The following DYNC1LI2 variants were observed in gnomAD, a reference collection of about 807,000 sequenced individuals.
DYNC1LI2 encodes the protein dynein cytoplasmic 1 light intermediate chain 2.
A neutral mutation model predicts 57.8 loss-of-function variants in DYNC1LI2; 19 were observed. That is an observed-to-expected ratio of 0.33 (90% confidence interval 0.23 to 0.48). The LOEUF is 0.48. DYNC1LI2 is among the 20% of genes least tolerant of loss of function. The pLI is 0.99. For missense variants in DYNC1LI2, 470 were observed against 604.2 expected, an observed-to-expected ratio of 0.78 and a Z score of 2.33; for synonymous variants, 256 against 233.4, an observed-to-expected ratio of 1.10 and a Z score of -0.88.
rs1181664640 is a variant in DYNC1LI2 at position 66,722,519 on chromosome 16, A to AT, written c.*1202dup. 6.5e-6 allele frequency: 1 copy of AT among 152,684 alleles called. No homozygotes were observed. The highest frequency in any genetic ancestry group is 1.5e-5 in the Non-Finnish European group (1 of 68,050). The allele number at this position is 152,684 out of a possible 1,614,324, so 9.5% of individuals were successfully genotyped here. A position where few individuals can be genotyped will look rare whatever the true frequency, so the allele number is the denominator to read the frequency against. ...GGAGACACCTGAAACTCTTATTTCC[A>AT]TAAGAAAAAAAATGCTACATTTTAT... On this transcript the variant is annotated 3_prime_UTR_variant, in exon 13 of 13. Transcript: ENST00000258198.
intron 11 of DYNC1LI2, among the ~76,000 whole-genome samples, chr16:66,726,644 T>C (rs1377072763): frequency 6.6e-6 from 1 of 152,116 alleles, no homozygotes; most frequent in African/African-American, 2.4e-5. Context: ...AAAAATATTT[T>C]TGTTTGTGTT....
Position 66,732,382 on chromosome 16 carries a change from A to T in DYNC1LI2, c.886T>A (p.Phe296Ile). ...TCCACAACTAAGGCAGGTGTGGTGAAGTGGAAACCGTATGTTTTATGAACA... is the reference window on the plus strand; with the variant it reads ...TCCACAACTAAGGCAGGTGTGGTGATGTGGAAACCGTATGTTTTATGAACA... The part of the protein sequence containing the change: ...YIVHKTYGFH[F>I]TTPALVVEKD... Residue 296 changes from phenylalanine (F) to isoleucine (I), a missense_variant, in exon 7 of 13, where the codon TTC becomes ATC. Coordinates refer to ENST00000258198, the MANE Select transcript of DYNC1LI2 (RefSeq NM_006141.3). 1 of 1,614,058 alleles carries T rather than the reference A, an allele frequency of 6.2e-7. No individual in the cohort carries two copies. The highest frequency in any genetic ancestry group is 1.1e-5 in the South Asian group (1 of 91,048).
intron 3 of DYNC1LI2, among the ~76,000 whole-genome samples, chr16:66,748,276 T>C (rs2017974354): frequency 1.4e-4 from 3 of 22,164 alleles, no homozygotes; most frequent in African/African-American, 4.5e-4. Flanking sequence ...AAACCCTGTC[T>C]CAAAAAAAAA....
chr16:66,734,088 G>C (rs2017686298), intron 6 of DYNC1LI2, 130 bp downstream of exon 6: 1 of 750,978 alleles, frequency 1.3e-6, no homozygotes, highest in African/African-American at 1.8e-5. Context: ...CATAAACCTA[G>C]TAAAAAGATA....
At chr16:66,728,874 C>G (rs2017583051) in intron 9 of DYNC1LI2, among the ~76,000 whole-genome samples, 166 bp downstream of exon 9, 1 of 152,192 alleles carries the variant, frequency 6.6e-6, no homozygotes, top group Non-Finnish European at 1.5e-5. Flanking sequence ...TGGTCCATCC[C>G]CAACTAATCC....
chr16:66,741,086 GCAGA>G (rs1462629207), intron 4 of DYNC1LI2, among the ~76,000 whole-genome samples: 1 of 140,430 alleles, frequency 7.1e-6, no homozygotes, highest in Non-Finnish European at 1.5e-5. Flanking sequence ...ACAGTATAGG[GCAGA>G]CACTTTCCCT....
At chr16:66,745,156 G>A (rs1288967490) in intron 3 of DYNC1LI2, among the ~76,000 whole-genome samples, 6 of 152,110 alleles carry the variant, frequency 3.9e-5, no homozygotes, top group South Asian at 4.1e-4. Flanking sequence ...TGATCTGCCC[G>A]CCTCAGCCTT....
In DYNC1LI2 at chr16:66,734,201, C is replaced by T. The variant is rs767932127; in HGVS notation, c.793+17G>A. 1.2e-5 allele frequency: 20 copies of T among 1,613,384 alleles called. No homozygotes were observed. The highest frequency in any genetic ancestry group is 3.4e-6 in the Non-Finnish European group (4 of 1,179,624). On this transcript the variant is annotated intron_variant, in intron 6 of 12. Transcript: ENST00000258198. ...GAAAGCCTGTGACCCAGGCCCCACA[C>T]AGCGCCCAAAGGATACACTGAAGGC... is the stretch of plus-strand genomic sequence containing the variant.
rs755656481 is a variant in DYNC1LI2 at position 66,751,542 on chromosome 16, G to T, written c.50C>A (p.Pro17His). ...EKKLLLGPNG[P>H]AVAAAGDLTS... Reference sequence around the variant, plus strand: ...CAGGTCGCCGGCGGCCGCCACCGCGGGCCCGTTGGGACCTAGCAGCAGCTT... The same window carrying T: ...CAGGTCGCCGGCGGCCGCCACCGCGTGCCCGTTGGGACCTAGCAGCAGCTT... The change falls in exon 1 of 13, where the codon CCC becomes CAC. Residue 17 changes from proline to histidine, a missense_variant. Physicochemically the swap from Pro to His is moderately conservative, Grantham distance 77. Transcript: ENST00000258198. The surrounding 1 kb of genome is among the most constrained non-coding windows in gnomAD (Gnocchi z 5.2). The T allele has an allele frequency of 5.0e-6, 8 of 1,587,998 alleles. No homozygotes were observed. Among genetic ancestry groups the T allele is most frequent in the Middle Eastern group, 1.7e-4 (1 of 5,998 alleles).
chr16:66,740,090 T>C (rs1476106545), intron 4 of DYNC1LI2, among the ~76,000 whole-genome samples: 3 of 152,096 alleles, frequency 2.0e-5, no homozygotes, highest in African/African-American at 4.8e-5. Context: ...AAGCCCCATA[T>C]ATAAAACAAG....
Position 66,732,378 on chromosome 16 carries a change from G to A in DYNC1LI2, c.890C>T (p.Thr297Ile), listed in dbSNP as rs1244332817. 6.2e-7 allele frequency: 1 copy of A among 1,613,856 alleles called. No homozygotes were observed. The highest frequency in any genetic ancestry group is 8.5e-7 in the Non-Finnish European group (1 of 1,179,890). Residue 297 changes from threonine to isoleucine, a missense_variant, in exon 7 of 13, where the codon ACC becomes ATC. Thr to Ile is a moderately conservative substitution (Grantham distance 89). Transcript: ENST00000258198. ...IVHKTYGFHF[T>I]TPALVVEKDA... is the part of the protein sequence containing the mutation. ...CTTTTCCACAACTAAGGCAGGTGTG[G>A]TGAAGTGGAAACCGTATGTTTTATG...
intron 3 of DYNC1LI2, among the ~76,000 whole-genome samples, chr16:66,746,696 C>T (rs2017941822): frequency 6.6e-6 from 1 of 152,190 alleles, no homozygotes; most frequent in South Asian, 2.1e-4. Context: ...ATGTTTTACA[C>T]TTTCAAAAGA....
At chr16:66,748,917 C>A (rs1453933267) in intron 3 of DYNC1LI2, among the ~76,000 whole-genome samples, 1 of 152,212 alleles carries the variant, frequency 6.6e-6, no homozygotes, top group Non-Finnish European at 1.5e-5. Context: ...ATCTTTCTTA[C>A]CACCTTTATG....
chr16:66,732,064 C>A, intron 7 of DYNC1LI2: 1 of 383,454 alleles, frequency 2.6e-6, no homozygotes. Flanking sequence ...CCCTCCCCAG[C>A]CAGTATTTTA....
chr16:66,747,660 C>G (rs540840272), intron 3 of DYNC1LI2, among the ~76,000 whole-genome samples: 4 of 151,382 alleles, frequency 2.6e-5, no homozygotes, highest in African/African-American at 9.7e-5. Context: ...ACCTCCACCT[C>G]CTGGGTTCAA....
intron 12 of DYNC1LI2, chr16:66,724,708 T>C (rs1455783608): frequency 6.6e-6 from 1 of 152,126 alleles, no homozygotes; most frequent in African/African-American, 2.4e-5. Context: ...GAGGTGTGTA[T>C]GTGACAAGTA....
rs2017484684 is a variant in DYNC1LI2 at position 66,723,555 on chromosome 16, T to G, written c.*167A>C. On this transcript the variant is annotated 3_prime_UTR_variant, in exon 13 of 13. Transcript: ENST00000258198. The stretch of plus-strand genomic sequence containing the variant: ...GTCTGACATGTAACCTTCCTAAATG[T>G]GCATTTCACACTCGGACAAGCCAAT... The G allele has an allele frequency of 1.5e-6, 1 of 666,564 alleles. No individual in the cohort carries two copies. Among genetic ancestry groups the G allele is most frequent in the Admixed American group, 2.6e-5 (1 of 38,360 alleles). The allele number at this position is 666,564 out of a possible 1,614,324, so 41.3% of individuals were successfully genotyped here.
rs1162077319 is a variant in DYNC1LI2 at position 66,722,507 on chromosome 16, A to T, written c.*1215T>A. On this transcript the variant is annotated 3_prime_UTR_variant, in exon 13 of 13. Transcript: ENST00000258198. ...TGCCCTAGGTGGGGAGACACCTGAA[A>T]CTCTTATTTCCATAAGAAAAAAAAT... 1.3e-5 allele frequency: 2 copies of T among 152,560 alleles called. No homozygotes were observed. Among genetic ancestry groups the T allele is most frequent in the Non-Finnish European group, 2.9e-5 (2 of 68,030 alleles). The allele number at this position is 152,560 out of a possible 1,614,324, so 9.5% of individuals were successfully genotyped here.
rs1342512011 is a variant in DYNC1LI2, at chr16:66,751,103, T to G, written c.181+170A>C. The stretch of plus-strand genomic sequence containing the variant: ...CTCCAAAGAGGGCAGCATCCCACCC[T>G]CAGGCGCTGGAGGCTTGACCACTCT... On this transcript the variant is annotated intron_variant, in intron 2 of 12. Transcript: ENST00000258198. This position sits in a 1 kb window ranked among gnomAD's most constrained non-coding sequence, Gnocchi z 5.2. Among the ~76,000 whole-genome samples the G allele has an allele frequency of 6.6e-6, 1 of 152,072 alleles. No homozygotes were observed. Among genetic ancestry groups the G allele is most frequent in the Non-Finnish European group, 1.5e-5 (1 of 68,014 alleles).
Sources: allele counts gnomAD v4.1 joint callset (sites outside exome capture counted in the v4.1 genomes callset), GRCh38; gene constraint gnomAD v4.1.1; non-coding constraint Gnocchi (gnomAD v3.1); transcripts MANE v1.5; gene names NCBI Gene and HGNC (gene_info 2026-07-23, HGNC 2026-07-21).